ACADSB: variants seen among roughly 807,000 people sequenced by gnomAD.
The protein encoded by ACADSB is acyl-CoA dehydrogenase short/branched chain.
Under a neutral mutation model 54.1 loss-of-function variants are expected in ACADSB, and 40 were observed. The ratio of observed to expected loss-of-function variants is 0.74; its 90% CI spans 0.57 to 0.96. The LOEUF is 0.96. Ranked by LOEUF, ACADSB falls within the 40% of genes least tolerant of loss-of-function variation. The pLI is 0.00. For missense variants in ACADSB, 530 were observed against 510.4 expected (o/e 1.04, Z -0.37); for synonymous variants, 182 against 182.8 (o/e 1.00, Z 0.03).
At chr10:123,053,668 T>C (rs1321847158) in intron 10 of ACADSB, 27 bp from the exon 11 acceptor site, 3 of 1,595,240 alleles carry the variant, frequency 1.9e-6, no homozygotes, top group African/African-American at 2.7e-5. Context: ...AACTCCTCAT[T>C]GTTCCTTCTG....
intron 6 of ACADSB, among the ~76,000 whole-genome samples, chr10:123,043,728 ACT>A (rs1365479044): frequency 6.6e-6 from 1 of 152,110 alleles, no homozygotes; most frequent in Non-Finnish European, 1.5e-5. Flanking sequence ...TACAGATGTC[ACT>A]GGGGCCTCAT....
rs773468834 is a variant in ACADSB at position 123,051,042 on chromosome 10, G to C, written c.991-7G>C. ...ATAATTCTCTAACTTGGGCCTGACTGTTACAGGGCCTCCAACACCAAGTGG... is the reference window on the plus strand; with the variant it reads ...ATAATTCTCTAACTTGGGCCTGACTCTTACAGGGCCTCCAACACCAAGTGG... On this transcript the variant is annotated splice_region_variant and splice_polypyrimidine_tract_variant and intron_variant, in intron 8 of 10. Coordinates refer to ENST00000358776, the MANE Select transcript of ACADSB (RefSeq NM_001609.4). The C allele has an allele frequency of 6.2e-7, 1 of 1,611,462 alleles. No individual in the cohort carries two copies. Among genetic ancestry groups the C allele is most frequent in the Non-Finnish European group, 8.5e-7 (1 of 1,179,540 alleles).
chr10:123,047,103 T>TC (rs1486955088), intron 7 of ACADSB, 106 bp from the exon 8 acceptor site: 1 of 925,830 alleles, frequency 1.1e-6, no homozygotes, highest in Admixed American at 2.0e-5. Flanking sequence ...CTCCAGTTCT[T>TC]CCCCTGCCCC....
intron 1 of ACADSB, 98 bp downstream of exon 1, chr10:123,009,169 CCTGA>C: frequency 1.5e-6 from 2 of 1,328,018 alleles, no homozygotes; most frequent in Non-Finnish European, 2.1e-6. Flanking sequence ...GGGGCGCCGG[CCTGA>C]GCCCCGCTCC....
In ACADSB at chr10:123,029,568, C is replaced by T. The variant is rs373604317; in HGVS notation, c.43-4788C>T. Among the ~76,000 whole-genome samples the T allele has an allele frequency of 4.6e-5, 7 of 152,274 alleles. No homozygotes were observed. In the South Asian group the frequency reaches 1.5e-3, roughly 32 times the overall value. ...TGCTGTCATCCTGAACAAATCCTCT[C>T]GCTAACTGCATCTTTAACTCTATAC... On this transcript the variant is annotated intron_variant, in intron 1 of 10. Transcript: ENST00000358776.
intron 9 of ACADSB, among the ~76,000 whole-genome samples, chr10:123,051,587 G>A (rs1002877476): frequency 1.3e-5 from 2 of 152,198 alleles, no homozygotes; most frequent in African/African-American, 2.4e-5. Context: ...AGTGAATGCC[G>A]TGGAAGATGA....
At chr10:123,029,384 A>AT (rs748047576) in intron 1 of ACADSB, among the ~76,000 whole-genome samples, 3 of 151,962 alleles carry the variant, frequency 2.0e-5, no homozygotes, top group Non-Finnish European at 2.9e-5. Flanking sequence ...AAAGAAAACA[A>AT]TGCTAACACA....
intron 1 of ACADSB, among the ~76,000 whole-genome samples, chr10:123,030,792 C>T (rs1462817219): frequency 6.6e-6 from 1 of 152,154 alleles, no homozygotes; most frequent in African/African-American, 2.4e-5. Flanking sequence ...GAGCCTTTAC[C>T]AGAACATTCC....
chr10:123,041,064 A>G, intron 4 of ACADSB, 145 bp from the exon 5 acceptor site: 1 of 916,544 alleles, frequency 1.1e-6, no homozygotes, highest in East Asian at 2.6e-5. Flanking sequence ...ATACTTTCAG[A>G]ATACCATTGC....
intron 7 of ACADSB, 100 bp downstream of exon 7, chr10:123,044,585 A>G: frequency 1.1e-6 from 1 of 915,158 alleles, no homozygotes; most frequent in South Asian, 1.4e-5. Context: ...TATGGACACA[A>G]GATGGCACCG....
chr10:123,045,155 ATATATATATATATATATTTTTTT>A (rs1489533963), intron 7 of ACADSB, among the ~76,000 whole-genome samples: 137 of 11,050 alleles, frequency 0.012, 4 homozygotes, highest in African/African-American at 0.052. Context: ...ATATATATAT[ATATATATATATATATATTTTTTT>A]TTTTTTTTTT....
At chr10:123,021,938 CAT>C (rs1377844151) in intron 1 of ACADSB, among the ~76,000 whole-genome samples, 3 of 152,092 alleles carry the variant, frequency 2.0e-5, no homozygotes, top group Admixed American at 1.3e-4. Context: ...TAGGGCCTCT[CAT>C]GTGTGCATTA....
In ACADSB at chr10:123,040,482, T is replaced by C. The variant is rs1193264873; in HGVS notation, c.320T>C (p.Val107Ala). 3 of 1,614,022 alleles carry C rather than the reference T, an allele frequency of 1.9e-6. No individual in the cohort carries two copies. The African/African-American group carries it at 4.0e-5, about 22-fold the overall frequency. The change falls in exon 4 of 11, where the codon GTT (valine) becomes GCT (alanine). Residue 107 changes from valine to alanine, a missense_variant. Physicochemically the swap from Val to Ala is moderately conservative, Grantham distance 64 (BLOSUM62 0). Transcript: ENST00000358776. The stretch of plus-strand genomic sequence containing the variant: ...TTTCTTTAGTTGATGGGTATTGAAG[T>C]TGACCCAGAATATGGAGGCACAGGA... ...LFQQGLMGIE[V>A]DPEYGGTGAS...
chr10:123,020,132 A>G (rs1589732874), intron 1 of ACADSB, among the ~76,000 whole-genome samples: 2 of 152,314 alleles, frequency 1.3e-5, no homozygotes, highest in East Asian at 1.9e-4. Flanking sequence ...TTAAATAGTT[A>G]AAGGGTTTTG....
rs567965552 is a variant in ACADSB at position 123,052,663 on chromosome 10, C to T, written c.1129-398C>T. The T allele has an allele frequency of 1.8e-5, 5 of 280,134 alleles. No homozygotes were observed. The highest frequency in any genetic ancestry group is 1.3e-3 in the Middle Eastern group (1 of 780). The allele number at this position is 280,134 out of a possible 1,614,324, so 17.4% of individuals were successfully genotyped here. ...TCCATTCTCTTTTCACATTTCACCC[C>T]GATCCCAGCCCACTGGCTGTCTCAG... On this transcript the variant is annotated intron_variant, in intron 9 of 10. Transcript: ENST00000358776. This position sits in a 1 kb window ranked among gnomAD's most constrained non-coding sequence, Gnocchi z 4.2.
chr10:123,040,529 C>G lies in ACADSB; in HGVS notation c.367C>G (p.Leu123Val). The G allele has an allele frequency of 6.2e-7, 1 of 1,614,026 alleles. No homozygotes were observed. Among genetic ancestry groups the G allele is most frequent in the South Asian group, 1.1e-5 (1 of 91,078 alleles). The change falls in exon 4 of 11, where the codon CTC (leucine) becomes GTC (valine). Residue 123 changes from leucine (L) to valine (V), a missense_variant. Transcript: ENST00000358776. Reference protein sequence around the residue: ...GTGASFLSTVLVIEELAKVDA... With the variant: ...GTGASFLSTVVVIEELAKVDA... The stretch of plus-strand genomic sequence containing the variant: ...AGGAGCTTCATTTTTATCCACTGTG[C>G]TCGTGATAGAGGAATTAGCCAAAGT...
intron 1 of ACADSB, among the ~76,000 whole-genome samples, chr10:123,012,528 G>A (rs973456213): frequency 1.3e-5 from 2 of 152,056 alleles, no homozygotes; most frequent in African/African-American, 2.4e-5. Context: ...CGGTGTGTCT[G>A]GAGTTTGTTC....
chr10:123,055,079 T>C lies in ACADSB; in HGVS notation c.*1314T>C, dbSNP rs1256412908. The stretch of plus-strand genomic sequence containing the variant: ...ATTTGGGAAGGCAAAAATGAATCTA[T>C]TGTTTTGCAATATAGGTTATAAACA... On this transcript the variant is annotated 3_prime_UTR_variant, in exon 11 of 11. Transcript: ENST00000358776. 2.0e-5 allele frequency: 3 copies of C among 152,418 alleles called. No homozygotes were observed. Among genetic ancestry groups the C allele is most frequent in the African/African-American group, 4.8e-5 (2 of 41,474 alleles). The allele number at this position is 152,418 out of a possible 1,614,324, so 9.4% of individuals were successfully genotyped here. A position where few individuals can be genotyped will look rare whatever the true frequency, so the allele number is the denominator to read the frequency against.
In ACADSB at chr10:123,056,947, A is replaced by G. The variant is rs1468401752; in HGVS notation, c.*3182A>G. The G allele has an allele frequency of 6.5e-6, 1 of 152,680 alleles. No homozygotes were observed. The highest frequency in any genetic ancestry group is 1.5e-5 in the Non-Finnish European group (1 of 68,034). The allele number at this position is 152,680 out of a possible 1,614,324, so 9.5% of individuals were successfully genotyped here. ...AAATTTAGACCTTGAATCCGAAGAG[A>G]TAAAGCTTACTTGACTTTCAAATGG... On this transcript the variant is annotated 3_prime_UTR_variant, in exon 11 of 11. Coordinates refer to ENST00000358776, the MANE Select transcript of ACADSB (RefSeq NM_001609.4).
Sources: gnomAD v4.1 joint callset for allele counts (sites outside exome capture counted in the v4.1 genomes callset) on GRCh38, gnomAD v4.1.1 for gene constraint, Gnocchi (gnomAD v3.1) non-coding constraint, MANE v1.5 for transcripts, NCBI Gene and HGNC (gene_info 2026-07-23, HGNC 2026-07-21) for gene names.